AGBL4: variants seen among roughly 807,000 people sequenced by gnomAD.
The protein encoded by AGBL4 is cytosolic carboxypeptidase 6.
A neutral mutation model predicts 66.4 loss-of-function variants in AGBL4; 58 were observed. The observed-to-expected ratio is 0.87, with a 90% CI of 0.71 to 1.09. AGBL4 has a LOEUF of 1.09. Ranked by LOEUF, AGBL4 falls within the 50% of genes least tolerant of loss-of-function variation. The pLI, the probability that AGBL4 is intolerant of heterozygous loss-of-function variation, is 0.00. For synonymous variants in AGBL4, 234 were observed against 222.9 expected (o/e 1.05, Z -0.44); for missense variants, 579 against 631.0 (o/e 0.92, Z 0.88).
At chr1:49,028,247 G>A (rs1280402309) in intron 5 of AGBL4, among the ~76,000 whole-genome samples, 1 of 152,150 alleles carries the variant, frequency 6.6e-6, no homozygotes, top group Non-Finnish European at 1.5e-5. Flanking sequence ...ACTTCAGGGG[G>A]CAGAGCAGCC....
rs1286758390 is a variant in AGBL4, at chr1:49,948,578, TATATAGAGAG to T, written c.34+75175_34+75184del. Among the ~76,000 whole-genome samples the T allele has an allele frequency of 2.4e-3, 304 of 126,460 alleles. 1 individual carries two copies. The highest frequency in any genetic ancestry group is 9.0e-3 in the African/African-American group (295 of 32,834). 83.0% of individuals were successfully genotyped at this position (126,460 alleles called of 152,430 possible). A position where few individuals can be genotyped will look rare whatever the true frequency, so the allele number is the denominator to read the frequency against. ...AAATATATAAAAATATATATATATA[TATATAGAGAG>T]AGAGAGAGAGAGAGAGAGATACACT... On this transcript the variant is annotated intron_variant, in intron 1 of 13. Transcript: ENST00000371839.
chr1:49,610,318 T>C (rs945615794), intron 3 of AGBL4, among the ~76,000 whole-genome samples: 1 of 152,132 alleles, frequency 6.6e-6, no homozygotes, highest in African/African-American at 2.4e-5. Flanking sequence ...TATGAAGAAA[T>C]TGCCCCCAAG....
chr1:49,332,549 T>C (rs1412337768), intron 3 of AGBL4, among the ~76,000 whole-genome samples: 3 of 152,172 alleles, frequency 2.0e-5, no homozygotes, highest in Admixed American at 6.5e-5. Flanking sequence ...CTCCTGTATA[T>C]TGTTGCCAAG....
At chr1:49,099,544 G>C (rs1199987900) in intron 4 of AGBL4, among the ~76,000 whole-genome samples, 1 of 152,118 alleles carries the variant, frequency 6.6e-6, no homozygotes, top group African/African-American at 2.4e-5. Context: ...ATTGTGCTAT[G>C]TGGTTTCACT....
At chr1:49,673,041 C>G (rs1240326665) in intron 3 of AGBL4, among the ~76,000 whole-genome samples, 8 of 151,692 alleles carry the variant, frequency 5.3e-5, no homozygotes, top group African/African-American at 1.9e-4. Context: ...AGCTAGGACT[C>G]TACAGAATAT....
At chr1:49,993,780 G>T (rs2148407073) in intron 1 of AGBL4, among the ~76,000 whole-genome samples, 1 of 152,254 alleles carries the variant, frequency 6.6e-6, no homozygotes, top group Non-Finnish European at 1.5e-5. Context: ...ATTCTGACAT[G>T]AAGGTGTAGA....
At chr1:49,224,039 G>A (rs1419200217) in intron 4 of AGBL4, among the ~76,000 whole-genome samples, 1 of 152,122 alleles carries the variant, frequency 6.6e-6, no homozygotes, top group African/African-American at 2.4e-5. Flanking sequence ...TCTGTTAAAG[G>A]AGAACATCTG....
At chr1:49,282,637 A>C (rs1367223230) in intron 3 of AGBL4, among the ~76,000 whole-genome samples, 1 of 152,174 alleles carries the variant, frequency 6.6e-6, no homozygotes, top group Non-Finnish European at 1.5e-5. Context: ...GGAGTGCCAG[A>C]CAGTGGGCGC....
At chr1:49,757,933 G>A (rs767717717) in intron 2 of AGBL4, among the ~76,000 whole-genome samples, 57 of 152,260 alleles carry the variant, frequency 3.7e-4, no homozygotes, top group Admixed American at 6.5e-4. Context: ...TGGGGAAAAC[G>A]TCTCCAGGGC....
At chr1:49,843,323 G>T (rs1033789528) in intron 2 of AGBL4, among the ~76,000 whole-genome samples, 1 of 134,404 alleles carries the variant, frequency 7.4e-6, no homozygotes, top group African/African-American at 2.8e-5. Flanking sequence ...TGTGTGTGTG[G>T]AGATGGGGAC....
At chr1:49,900,411 A>G (rs1395213840) in intron 1 of AGBL4, among the ~76,000 whole-genome samples, 2 of 151,690 alleles carry the variant, frequency 1.3e-5, no homozygotes, top group East Asian at 2.0e-4. Flanking sequence ...ACGCCAGGCT[A>G]ATTTTGTATT....
At chr1:49,198,791 G>A (rs1647445762) in intron 4 of AGBL4, among the ~76,000 whole-genome samples, 1 of 146,824 alleles carries the variant, frequency 6.8e-6, no homozygotes, top group African/African-American at 2.5e-5. Flanking sequence ...TAAGTTTCTT[G>A]GCCTATCCTA....
At chr1:48,724,896 A>G (rs1647207284) in intron 6 of AGBL4, among the ~76,000 whole-genome samples, 1 of 152,176 alleles carries the variant, frequency 6.6e-6, no homozygotes, top group Non-Finnish European at 1.5e-5. Context: ...AACCTCATTG[A>G]TTCAGGTCCT....
chr1:49,393,894 C>T lies in AGBL4; in HGVS notation c.283-148030G>A, dbSNP rs113117462. ...ATTACTCACAACAAAATTTGTTGAA[C>T]ACTTCGGTGTGCCAGACAATGTGCT... On this transcript the variant is annotated intron_variant, in intron 3 of 13. Coordinates refer to ENST00000371839, the MANE Select transcript of AGBL4 (RefSeq NM_032785.4). 4.3e-3 allele frequency among the ~76,000 whole-genome samples: 650 copies of T among 152,232 alleles called. 7 individuals are homozygous for T. Among genetic ancestry groups the T allele is most frequent in the African/African-American group, 0.015 (608 of 41,552 alleles).
At chr1:49,680,994 A>T (rs969494956) in intron 3 of AGBL4, among the ~76,000 whole-genome samples, 1 of 151,418 alleles carries the variant, frequency 6.6e-6, no homozygotes, top group Non-Finnish European at 1.5e-5. Flanking sequence ...TGTCCTCCCC[A>T]TTCTATTGAG....
At chr1:49,847,771 G>A (rs1260596331) in intron 2 of AGBL4, among the ~76,000 whole-genome samples, 1 of 150,770 alleles carries the variant, frequency 6.6e-6, no homozygotes, top group Non-Finnish European at 1.5e-5. Flanking sequence ...GCGCGATCTC[G>A]GCTCACTGCA....
chr1:48,791,387 A>G (rs1645546889), intron 6 of AGBL4, among the ~76,000 whole-genome samples: 2 of 152,288 alleles, frequency 1.3e-5, no homozygotes, highest in South Asian at 2.1e-4. Context: ...GAGTCTATCT[A>G]TAGTCCTGCT....
intron 2 of AGBL4, among the ~76,000 whole-genome samples, chr1:49,718,697 T>G (rs1400839654): frequency 6.6e-6 from 1 of 152,032 alleles, no homozygotes; most frequent in African/African-American, 2.4e-5. Flanking sequence ...TCTATTAAAC[T>G]TATATTATAA....
chr1:48,917,874 G>A (rs537334945), intron 5 of AGBL4, among the ~76,000 whole-genome samples: 7 of 152,268 alleles, frequency 4.6e-5, no homozygotes, highest in Admixed American at 2.0e-4. Flanking sequence ...CACCTCCAGG[G>A]GATGATTAAA....
Sources: allele counts gnomAD v4.1 joint callset (sites outside exome capture counted in the v4.1 genomes callset), GRCh38; gene constraint gnomAD v4.1.1; transcripts MANE v1.5; gene names NCBI Gene and HGNC (gene_info 2026-07-23, HGNC 2026-07-21).